The following SMIM35 variants were observed in gnomAD, a reference collection of about 807,000 sequenced individuals.
SMIM35 encodes TMPRSS4 antisense RNA 1 (non-protein coding).
intron 1 of SMIM35, among the ~76,000 whole-genome samples, chr11:118,021,361 T>C (rs934824918): frequency 3.3e-5 from 5 of 152,186 alleles, no homozygotes; most frequent in African/African-American, 4.8e-5. Flanking sequence ...ACTAATTCTT[T>C]CTTCAGCTGT....
chr11:118,057,026 G>A (rs1238008675), intron 1 of SMIM35, among the ~76,000 whole-genome samples: 1 of 152,206 alleles, frequency 6.6e-6, no homozygotes, highest in African/African-American at 2.4e-5. Flanking sequence ...CCCAAGCTGA[G>A]TGGTGAGGGG....
intron 1 of SMIM35, among the ~76,000 whole-genome samples, chr11:118,055,877 C>T (rs919719363): frequency 2.0e-5 from 3 of 151,834 alleles, no homozygotes; most frequent in South Asian, 4.2e-4. Flanking sequence ...AAGAGGTAAA[C>T]ATGGGGGCTT....
At chr11:118,010,401 AT>A (rs1241752851) in intron 4 of SMIM35, among the ~76,000 whole-genome samples, 6 of 152,138 alleles carry the variant, frequency 3.9e-5, no homozygotes, top group Non-Finnish European at 7.4e-5. Context: ...CCTCATCATG[AT>A]TTTGATCAAT....
intron 4 of SMIM35, among the ~76,000 whole-genome samples, chr11:118,007,530 G>A (rs772851740): frequency 6.6e-6 from 1 of 152,076 alleles, no homozygotes; most frequent in African/African-American, 2.4e-5. Context: ...CAAATAGTGG[G>A]GGCTACAGTC....
At chr11:118,064,368 A>G (rs1416596900) in intron 1 of SMIM35, among the ~76,000 whole-genome samples, 2 of 152,202 alleles carry the variant, frequency 1.3e-5, no homozygotes, top group Non-Finnish European at 2.9e-5. Flanking sequence ...CCCCATCCAC[A>G]TGGACCCCAA....
chr11:118,051,605 C>T (rs988928981), intron 1 of SMIM35, among the ~76,000 whole-genome samples: 1 of 152,182 alleles, frequency 6.6e-6, no homozygotes, highest in Admixed American at 6.5e-5. Context: ...CGAGAGCTCT[C>T]CCAACAGCCC....
chr11:118,006,964 C>T (rs2058125037), intron 4 of SMIM35, among the ~76,000 whole-genome samples: 2 of 152,194 alleles, frequency 1.3e-5, no homozygotes, highest in African/African-American at 4.8e-5. Context: ...ATTCATTGAG[C>T]CTCTGTCATG....
At chr11:118,049,268 T>G (rs918820225) in intron 1 of SMIM35, among the ~76,000 whole-genome samples, 2 of 150,844 alleles carry the variant, frequency 1.3e-5, no homozygotes, top group Admixed American at 1.3e-4. Context: ...AGACACTGGC[T>G]GGGGACCCCA....
At chr11:118,021,756 A>T (rs1591279725) in intron 1 of SMIM35, among the ~76,000 whole-genome samples, 1 of 152,232 alleles carries the variant, frequency 6.6e-6, no homozygotes, top group Non-Finnish European at 1.5e-5. Context: ...TTCATTATAT[A>T]GCTTTAAAAT....
intron 1 of SMIM35, among the ~76,000 whole-genome samples, chr11:118,017,111 T>C (rs1346480769): frequency 6.6e-6 from 1 of 151,990 alleles, no homozygotes; most frequent in Non-Finnish European, 1.5e-5. Flanking sequence ...AGACAAGAAG[T>C]GAGCCAGAAC....
At chr11:118,053,252 G>A (rs1944248737) in intron 1 of SMIM35, among the ~76,000 whole-genome samples, 1 of 151,856 alleles carries the variant, frequency 6.6e-6, no homozygotes, top group Non-Finnish European at 1.5e-5. Flanking sequence ...AGGTTGCAGT[G>A]AGCCGAGATC....
At chr11:118,033,714 C>T (rs894709150) in intron 1 of SMIM35, among the ~76,000 whole-genome samples, 4 of 152,294 alleles carry the variant, frequency 2.6e-5, no homozygotes, top group African/African-American at 9.6e-5. Flanking sequence ...AAAGGCACTT[C>T]AGGTGAAAGT....
chr11:118,028,445 T>C (rs955084532), intron 1 of SMIM35, among the ~76,000 whole-genome samples: 47 of 149,906 alleles, frequency 3.1e-4, no homozygotes, highest in Non-Finnish European at 5.0e-4. Context: ...TGTTTCTTTA[T>C]GTGTCTCTCC....
intron 1 of SMIM35, among the ~76,000 whole-genome samples, chr11:118,066,958 G>A (rs562440141): frequency 1.3e-5 from 2 of 152,084 alleles, no homozygotes; most frequent in Non-Finnish European, 2.9e-5. Flanking sequence ...CCGAATAGGG[G>A]AGCAAGAGCC....
chr11:118,027,067 C>CCGGACTG (rs564634491), intron 1 of SMIM35, among the ~76,000 whole-genome samples: 72 of 126,458 alleles, frequency 5.7e-4, no homozygotes, highest in African/African-American at 2.0e-3. Flanking sequence ...GTCGCCCAGG[C>CCGGACTG]CGGACTGCGG....
chr11:118,079,386 G>A (rs1344402126), intron 1 of SMIM35, among the ~76,000 whole-genome samples: 1 of 151,992 alleles, frequency 6.6e-6, no homozygotes, highest in Admixed American at 6.6e-5. Context: ...GCGTCTTAAT[G>A]ACAGCTCTCC....
At chr11:118,016,243 C>A (rs2058182445) in intron 1 of SMIM35, among the ~76,000 whole-genome samples, 3 of 152,294 alleles carry the variant, frequency 2.0e-5, no homozygotes, top group African/African-American at 4.8e-5. Flanking sequence ...CACCCAGTGG[C>A]AGCAGGGTGT....
intron 1 of SMIM35, among the ~76,000 whole-genome samples, chr11:118,082,161 A>G (rs1411635462): frequency 6.6e-6 from 1 of 152,194 alleles, no homozygotes; most frequent in Non-Finnish European, 1.5e-5. Context: ...ATCCAAATGC[A>G]ACAAGGGCCC....
intron 1 of SMIM35, chr11:118,077,173 C>T (rs2135160603): frequency 8.3e-7 from 1 of 1,198,246 alleles, no homozygotes; most frequent in Non-Finnish European, 1.2e-6. Flanking sequence ...GGGCCTCCTC[C>T]AGCCAGTGCT....
Sources: allele counts gnomAD v4.1 joint callset (sites outside exome capture counted in the v4.1 genomes callset), GRCh38; gene constraint gnomAD v4.1.1; transcripts MANE v1.5; gene names NCBI Gene and HGNC (gene_info 2026-07-23, HGNC 2026-07-21).